MTBP: variants seen among roughly 807,000 people sequenced by gnomAD.
MTBP encodes the protein mdm2-binding protein.
MTBP carries 101 observed loss-of-function variants against 117.0 expected under a neutral mutation model. That is an observed-to-expected ratio of 0.86 (90% CI 0.73 to 1.02). MTBP has a LOEUF of 1.02. Among genes scored for constraint, MTBP ranks in the 50% least tolerant of loss-of-function variants. MTBP has a pLI of 0.00. For missense variants in MTBP, 970 were observed against 1,030.9 expected (o/e 0.94, Z 0.81); for synonymous variants, 350 against 351.5 (o/e 1.00, Z 0.05).
intron 15 of MTBP, among the ~76,000 whole-genome samples, chr8:120,505,457 G>A (rs1023932233): frequency 5.3e-5 from 8 of 152,090 alleles, no homozygotes; most frequent in Admixed American, 4.6e-4. Flanking sequence ...GAGAATTTGA[G>A]TGTTTTGTTG....
chr8:120,455,832 A>C (rs893052252), intron 6 of MTBP, among the ~76,000 whole-genome samples: 70 of 152,190 alleles, frequency 4.6e-4, no homozygotes, highest in African/African-American at 1.6e-3. Flanking sequence ...TTGAGGATTA[A>C]TTCTATAAGC....
chr8:120,497,568 T>G lies in MTBP; in HGVS notation c.1609+14T>G. 7.3e-7 allele frequency: 1 copy of G among 1,363,418 alleles called. No homozygotes were observed. Among genetic ancestry groups the G allele is most frequent in the Non-Finnish European group, 9.9e-7 (1 of 1,012,354 alleles). The allele number at this position is 1,363,418 out of a possible 1,614,324, so 84.5% of individuals were successfully genotyped here. A position where few individuals can be genotyped will look rare whatever the true frequency, so the allele number is the denominator to read the frequency against. On this transcript the variant is annotated intron_variant, in intron 14 of 21. Coordinates refer to ENST00000305949, the MANE Select transcript of MTBP (RefSeq NM_022045.5). ...ATATATTAAATGGTAAGTTTTTTAT[T>G]ACTTTAAATTTTAGTTCGTGTGTGT... is the stretch of plus-strand genomic sequence containing the variant.
At chr8:120,480,451 A>T (rs961905381) in intron 11 of MTBP, among the ~76,000 whole-genome samples, 10 of 152,230 alleles carry the variant, frequency 6.6e-5, no homozygotes, top group African/African-American at 2.2e-4. Context: ...TCCTAAATTT[A>T]TATGGAGTAG....
chr8:120,523,181 A>G (rs890761929), intron 21 of MTBP, 117 bp from the exon 22 acceptor site: 1 of 709,730 alleles, frequency 1.4e-6, no homozygotes, highest in Non-Finnish European at 2.4e-6. Flanking sequence ...AGATTTCAGT[A>G]TCTTCCTTTT....
Position 120,488,319 on chromosome 8 carries a change from A to C in MTBP, c.1326A>C (p.Glu442Asp). 1 of 1,549,026 alleles carries C rather than the reference A, an allele frequency of 6.5e-7. No homozygotes were observed. The highest frequency in any genetic ancestry group is 1.4e-5 in the African/African-American group (1 of 71,150). Reference protein sequence around the residue: ...LIHGKMKTKTEEAKLSFPFDL... With the variant: ...LIHGKMKTKTDEAKLSFPFDL... ...ATGGAAAGATGAAAACAAAGACAGA[A>C]GAAGCCAAATTGAGTAAGTGTTAAC... The change falls in exon 12 of 22, where the codon GAA becomes GAC. Residue 442 changes from glutamate (E) to aspartate (D), a missense_variant. Glu to Asp is a conservative substitution (Grantham distance 45, BLOSUM62 2). Coordinates refer to ENST00000305949, the MANE Select transcript of MTBP (RefSeq NM_022045.5).
rs758378407 is a variant in MTBP, at chr8:120,518,781, C to A, written c.2574C>A (p.Ser858Arg). Reference sequence around the variant, plus strand: ...CTCATGAATGTTTCACTGCATGCAGCCAGCGTCTCTTTGAAATCTCTAAGT... The same window carrying A: ...CTCATGAATGTTTCACTGCATGCAGACAGCGTCTCTTTGAAATCTCTAAGT... Reference protein sequence around the residue: ...TETHECFTACSQRLFEISKFY... With the variant: ...TETHECFTACRQRLFEISKFY... Residue 858 changes from serine to arginine, a missense_variant, in exon 20 of 22, where the codon AGC (serine) becomes AGA (arginine). Physicochemically the swap from Ser to Arg is moderately radical, Grantham distance 110 (BLOSUM62 -1). Transcript: ENST00000305949. 2 of 1,611,562 alleles carry A rather than the reference C, an allele frequency of 1.2e-6. No individual in the cohort carries two copies. Among genetic ancestry groups the A allele is most frequent in the Non-Finnish European group, 8.5e-7 (1 of 1,178,458 alleles).
chr8:120,478,473 A>G (rs1331642988), intron 11 of MTBP, among the ~76,000 whole-genome samples: 1 of 152,202 alleles, frequency 6.6e-6, no homozygotes, highest in Non-Finnish European at 1.5e-5. Context: ...CTCATGTAGC[A>G]GAATAATAGT....
intron 17 of MTBP, among the ~76,000 whole-genome samples, chr8:120,512,330 A>G (rs1473621364): frequency 1.3e-5 from 2 of 152,250 alleles, no homozygotes; most frequent in East Asian, 3.9e-4. Context: ...AGCTACAATA[A>G]TTACATTTTA....
intron 7 of MTBP, among the ~76,000 whole-genome samples, chr8:120,458,547 G>A (rs1477613939): frequency 2.0e-5 from 3 of 151,918 alleles, no homozygotes; most frequent in Non-Finnish European, 4.4e-5. Flanking sequence ...ATCTAGTAAA[G>A]AATAAGATAG....
In MTBP at chr8:120,516,198, T is replaced by C. The variant is rs767390359; in HGVS notation, c.2246+7T>C. 7.5e-6 allele frequency: 12 copies of C among 1,601,446 alleles called. No individual in the cohort carries two copies. The highest frequency in any genetic ancestry group is 5.0e-5 in the Admixed American group (3 of 59,518). On this transcript the variant is annotated splice_region_variant and intron_variant, in intron 18 of 21. Transcript: ENST00000305949. ...GCCTTTATCCCAGAAAAAGGTGATA[T>C]ATTACATGCACATAAATAGTATATT...
At chr8:120,500,461 T>C (rs1814560304) in intron 14 of MTBP, among the ~76,000 whole-genome samples, 1 of 152,192 alleles carries the variant, frequency 6.6e-6, no homozygotes, top group African/African-American at 2.4e-5. Flanking sequence ...CTTATATTCT[T>C]TTATGAACTC....
At chr8:120,461,386 C>A in intron 9 of MTBP, 131 bp downstream of exon 9, 1 of 631,776 alleles carries the variant, frequency 1.6e-6, no homozygotes, top group East Asian at 3.0e-5. Flanking sequence ...TGTTGATGTT[C>A]AAGTAGGCTG....
chr8:120,470,324 A>G (rs1053033180), intron 10 of MTBP, among the ~76,000 whole-genome samples: 1 of 152,172 alleles, frequency 6.6e-6, no homozygotes, highest in East Asian at 1.9e-4. Context: ...GTTTTTACCT[A>G]TTAGCATTAA....
chr8:120,521,765 G>A (rs1029564838), intron 20 of MTBP, among the ~76,000 whole-genome samples: 26 of 152,266 alleles, frequency 1.7e-4, no homozygotes, highest in African/African-American at 6.3e-4. Context: ...TTATGATGGA[G>A]TCAAATAGCC....
chr8:120,474,338 A>T (rs1459498406), intron 11 of MTBP, among the ~76,000 whole-genome samples: 2 of 152,064 alleles, frequency 1.3e-5, no homozygotes, highest in African/African-American at 2.4e-5. Context: ...TCTACCCATA[A>T]TCCTCTCTGT....
At chr8:120,505,385 C>T (rs1814668305) in intron 15 of MTBP, among the ~76,000 whole-genome samples, 1 of 152,116 alleles carries the variant, frequency 6.6e-6, no homozygotes. Flanking sequence ...GAGACAGGCA[C>T]TGTATCTTTA....
intron 2 of MTBP, among the ~76,000 whole-genome samples, chr8:120,447,026 C>A (rs1180050520): frequency 6.6e-6 from 1 of 152,132 alleles, no homozygotes; most frequent in Non-Finnish European, 1.5e-5. Flanking sequence ...TTGTAAAAAT[C>A]TTTCCTCCTT....
chr8:120,508,324 A>G (rs189315998), intron 16 of MTBP, among the ~76,000 whole-genome samples: 14 of 152,296 alleles, frequency 9.2e-5, no homozygotes, highest in African/African-American at 2.9e-4. Flanking sequence ...TTAGAAAGAA[A>G]AACTTGTGAG....
At chr8:120,499,794 A>G (rs773784898) in intron 14 of MTBP, among the ~76,000 whole-genome samples, 3 of 152,248 alleles carry the variant, frequency 2.0e-5, no homozygotes, top group Admixed American at 6.5e-5. Flanking sequence ...AAGTTGCTAA[A>G]GACTTTGACA....
Sources: gnomAD v4.1 joint callset for allele counts (sites outside exome capture counted in the v4.1 genomes callset) on GRCh38, gnomAD v4.1.1 for gene constraint, MANE v1.5 for transcripts, NCBI Gene and HGNC (gene_info 2026-07-23, HGNC 2026-07-21) for gene names.